The following INF2 variants were observed in gnomAD, a reference collection of about 807,000 sequenced individuals.
The protein encoded by INF2 is inverted formin 2, also known as inverted formin-2.
In INF2, 43 loss-of-function variants were observed where a neutral mutation model predicts 123.5. That is an observed-to-expected ratio of 0.35 (90% confidence interval 0.27 to 0.45). INF2 has a LOEUF of 0.45. Ranked by LOEUF, INF2 falls within the 20% of genes least tolerant of loss-of-function variation. INF2 has a pLI of 1.00. For missense variants in INF2, 1,453 were observed against 1,682.7 expected (o/e 0.86, Z 2.39); for synonymous variants, 851 against 745.0 (o/e 1.14, Z -2.32).
rs1889445972 is a variant in INF2 at position 104,700,867 on chromosome 14, T to C, written c.-9-490T>C. 4.1e-6 allele frequency: 4 copies of C among 985,118 alleles called. No homozygotes were observed. The African/African-American group carries it at 7.0e-5, about 17-fold the overall frequency. The allele number at this position is 985,118 out of a possible 1,614,324, so 61.0% of individuals were successfully genotyped here. A position where few individuals can be genotyped will look rare whatever the true frequency, so the allele number is the denominator to read the frequency against. On this transcript the variant is annotated intron_variant, in intron 1 of 22. Coordinates refer to ENST00000392634, the MANE Select transcript of INF2 (RefSeq NM_022489.4). ...TGGGCACCCCAGGCATGCCTGAGGT[T>C]TGGAATCTCCCTGTCCATATTGTCC... is the stretch of plus-strand genomic sequence containing the variant.
intron 20 of INF2, 65 bp from the exon 21 acceptor site, chr14:104,714,138 A>C: frequency 7.4e-7 from 1 of 1,347,384 alleles, no homozygotes; most frequent in South Asian, 1.5e-5. Context: ...GGAATGGAGG[A>C]GGCTGCACCT....
intron 16 of INF2, among the ~76,000 whole-genome samples, chr14:104,712,142 C>T (rs944676417): frequency 3.3e-5 from 5 of 152,186 alleles, no homozygotes; most frequent in Non-Finnish European, 5.9e-5. Context: ...GCACGGAGTT[C>T]TTCCCGGGCT....
At position 104,712,300 on chromosome 14, in the gene INF2, G is replaced by C. The variant is rs956837250; in HGVS notation, c.2490-133G>C. 7.4e-6 allele frequency: 9 copies of C among 1,215,994 alleles called. No homozygotes were observed. The African/African-American group carries it at 1.4e-4, about 18-fold the overall frequency. 75.3% of individuals were successfully genotyped at this position (1,215,994 alleles called of 1,614,324 possible). ...GGAACAGGCACTCAACCCCAACACT[G>C]CACGTGCAGCCTCAGAGTACAGCCT... On this transcript the variant is annotated intron_variant, in intron 16 of 22. Coordinates refer to ENST00000392634, the MANE Select transcript of INF2 (RefSeq NM_022489.4).
chr14:104,698,164 G>A (rs1034928891), intron 1 of INF2, among the ~76,000 whole-genome samples: 1 of 152,278 alleles, frequency 6.6e-6, no homozygotes, highest in African/African-American at 2.4e-5. Context: ...ATGGAGAGCA[G>A]AGGGGAAGGG....
exon 1 of INF2, chr14:104,681,446 T>C: frequency 1.6e-6 from 1 of 624,612 alleles, no homozygotes; most frequent in Non-Finnish European, 2.6e-6. Flanking sequence ...TGGGGCAGCG[T>C]CTAGGAGGCC....
rs906555402 is a variant in INF2 at position 104,711,489 on chromosome 14, G to A, written c.2419-140G>A. On this transcript the variant is annotated intron_variant, in intron 15 of 22. Transcript: ENST00000392634. The stretch of plus-strand genomic sequence containing the variant: ...TCACAAAGTCATAGCCAGGCCCAAG[G>A]GAAAGATTTGAGGGTCTGGAGTACT... 6 of 783,004 alleles carry A rather than the reference G, an allele frequency of 7.7e-6. No individual in the cohort carries two copies. In the East Asian group the frequency reaches 1.1e-4, roughly 14 times the overall value. 48.5% of individuals were successfully genotyped at this position (783,004 alleles called of 1,614,324 possible).
At chr14:104,709,939 A>C in intron 12 of INF2, 149 bp from the exon 13 acceptor site, 1 of 770,130 alleles carries the variant, frequency 1.3e-6, no homozygotes, top group East Asian at 2.7e-5. Flanking sequence ...TGCTCTGCGC[A>C]GGCCCGGGAG....
chr14:104,700,809 C>T, intron 1 of INF2: 8 of 984,272 alleles, frequency 8.1e-6, no homozygotes, highest in Non-Finnish European at 9.7e-6. Context: ...ACCTGGGAGT[C>T]GCCCCTCCTC....
At position 104,699,254 on chromosome 14, in the gene INF2, AGT is replaced by A; in HGVS notation, c.-9-2102_-9-2101del. ...GGATGCCAGGGGCCGGGCCTGGGAG[AGT>A]TCATAACTCCGTCCACTCAGCCTGT... On this transcript the variant is annotated intron_variant, in intron 1 of 22. Transcript: ENST00000392634. This position sits in a 1 kb window ranked among gnomAD's most constrained non-coding sequence, Gnocchi z 4.7. 1 of 275,412 alleles carries A rather than the reference AGT, an allele frequency of 3.6e-6. No homozygotes were observed. Among genetic ancestry groups the A allele is most frequent in the Non-Finnish European group, 5.4e-6 (1 of 184,822 alleles). The allele number at this position is 275,412 out of a possible 1,614,324, so 17.1% of individuals were successfully genotyped here.
Position 104,718,827 on chromosome 14 carries a change from A to G in INF2, c.*34A>G, listed in dbSNP as rs777204583. On this transcript the variant is annotated 3_prime_UTR_variant, in exon 23 of 23. Transcript: ENST00000392634. ...GCCCAGGCCCAAGGCCAAGTGAGAG[A>G]GCCCAGGCCACAGGACATGCTGCCA... The G allele has an allele frequency of 8.7e-6, 14 of 1,612,432 alleles. No homozygotes were observed. The highest frequency in any genetic ancestry group is 4.0e-5 in the African/African-American group (3 of 74,906).
chr14:104,691,186 C>T (rs1033897091), intron 1 of INF2: 1 of 152,266 alleles, frequency 6.6e-6, no homozygotes, highest in Non-Finnish European at 1.5e-5. Flanking sequence ...GAATGACACA[C>T]ACCGCACATG....
intron 22 of INF2, chr14:104,716,142 C>A: frequency 2.8e-6 from 1 of 356,486 alleles, no homozygotes; most frequent in Non-Finnish European, 5.6e-6. Context: ...CTCTGTGAGC[C>A]CAGGTCGTGG....
chr14:104,707,231 C>T (rs368674497), intron 7 of INF2, 22 bp from the exon 8 acceptor site: 11 of 1,599,110 alleles, frequency 6.9e-6, no homozygotes, highest in African/African-American at 6.7e-5. Flanking sequence ...TCTCCCTTGA[C>T]CCTGGACATC....
At chr14:104,685,840 G>A, upstream of INF2, among the ~76,000 whole-genome samples, 1 of 135,662 alleles carries the variant, frequency 7.4e-6, no homozygotes, top group African/African-American at 2.8e-5. Flanking sequence ...AGGCCGATGG[G>A]TAAGTGGATG....
chr14:104,714,773 C>T lies in INF2; in HGVS notation c.3611C>T (p.Ser1204Leu), dbSNP rs376222605. The T allele has an allele frequency of 1.3e-5, 21 of 1,599,920 alleles. No individual in the cohort carries two copies. The African/African-American group carries it at 1.3e-4, about 10-fold the overall frequency. ...GATGCGGTGACCGACTCCTCGGGGT[C>T]GGGCACACTCCCCAGGGCCCGGGGC... Reference protein sequence around the residue: ...SEDAVTDSSGSGTLPRARGRA... With the variant: ...SEDAVTDSSGLGTLPRARGRA... Residue 1204 changes from serine to leucine, a missense_variant, in exon 21 of 23, where the codon TCG becomes TTG. Physicochemically the swap from Ser to Leu is moderately radical, Grantham distance 145. This residue lies in a region of INF2 where 344 missense variants were observed against 333.1 expected (regional missense o/e 1.03). Coordinates refer to ENST00000392634, the MANE Select transcript of INF2 (RefSeq NM_022489.4).
chr14:104,708,601 G>T lies in INF2; in HGVS notation c.1887+14G>T. The stretch of plus-strand genomic sequence containing the variant: ...GAGCCCAAGGAGGTGGGGACGGGGA[G>T]GGGACTCAGACCGGGGCCGCCTGCC... On this transcript the variant is annotated intron_variant, in intron 9 of 22. Transcript: ENST00000392634. The T allele has an allele frequency of 6.2e-7, 1 of 1,612,648 alleles. No homozygotes were observed. Among genetic ancestry groups the T allele is most frequent in the Non-Finnish European group, 8.5e-7 (1 of 1,179,860 alleles).
chr14:104,718,474 G>A (rs1185416351), intron 22 of INF2, among the ~76,000 whole-genome samples: 1 of 152,194 alleles, frequency 6.6e-6, no homozygotes, highest in Non-Finnish European at 1.5e-5. Flanking sequence ...GAATGAGTAA[G>A]GACAGAGTGC....
chr14:104,708,604 G>A lies in INF2; in HGVS notation c.1887+17G>A, dbSNP rs1260824735. On this transcript the variant is annotated intron_variant, in intron 9 of 22. Transcript: ENST00000392634. ...CCCAAGGAGGTGGGGACGGGGAGGG[G>A]ACTCAGACCGGGGCCGCCTGCCTGG... 1 of 1,612,544 alleles carries A rather than the reference G, an allele frequency of 6.2e-7. No individual in the cohort carries two copies. Among genetic ancestry groups the A allele is most frequent in the Non-Finnish European group, 8.5e-7 (1 of 1,179,862 alleles).
At chr14:104,701,256 A>T (rs550644874) in intron 1 of INF2, 101 bp from the exon 2 acceptor site, 2 of 1,317,624 alleles carry the variant, frequency 1.5e-6, no homozygotes. Flanking sequence ...GAATTGCAGC[A>T]GAGAAACTGA....
Sources: allele counts gnomAD v4.1 joint callset (sites outside exome capture counted in the v4.1 genomes callset), GRCh38; gene constraint gnomAD v4.1.1; regional missense constraint gnomAD v4.1.1; non-coding constraint Gnocchi (gnomAD v3.1); transcripts MANE v1.5; gene names NCBI Gene and HGNC (gene_info 2026-07-23, HGNC 2026-07-21).